Variants in UTY observed in about 807,000 individuals in gnomAD.
UTY encodes histone demethylase UTY.
In UTY, 12 loss-of-function variants were observed where a neutral mutation model predicts 32.5. The observed-to-expected ratio is 0.37, with a 90% CI of 0.24 to 0.60. The LOEUF (loss-of-function observed/expected upper bound fraction) is 0.60. UTY is among the 20% of genes least tolerant of loss of function. The pLI is 0.69. For missense variants in UTY, 303 were observed against 299.2 expected, an observed-to-expected ratio of 1.01 and a Z score of -0.09; for synonymous variants, 131 against 103.4, an observed-to-expected ratio of 1.27 and a Z score of -1.62.
intron 18 of UTY, among the ~76,000 whole-genome samples, chrY:13,329,889 G>C (rs746902035): frequency 3.0e-5 from 1 of 33,580 alleles, no homozygotes; most frequent in South Asian, 6.7e-4. Flanking sequence ...TGCATTTCCT[G>C]TCTCTCCTGA....
chrY:13,411,048 T>C lies in UTY; in HGVS notation c.500A>G (p.His167Arg). The C allele has an allele frequency of 2.5e-6, 1 of 398,274 alleles. No individual in the cohort carries two copies. Among genetic ancestry groups the C allele is most frequent in the Non-Finnish European group, 3.5e-6 (1 of 283,164 alleles). Residue 167 changes from histidine (H) to arginine (R), a missense_variant, in exon 6 of 30, where the codon CAT (histidine) becomes CGT (arginine). His to Arg is a conservative substitution (Grantham distance 29). Coordinates refer to ENST00000545955, the MANE Select transcript of UTY (RefSeq NM_001258249.2). Reference protein sequence around the residue: ...DPSFCRAKEIHLRLGLMFKVN... With the variant: ...DPSFCRAKEIRLRLGLMFKVN... The stretch of plus-strand genomic sequence containing the variant: ...TTTGAACATGAGCCCAAGTCGTAAA[T>C]GAATTTCCTTGGCTCGACAAAAGCT...
At chrY:13,238,114 C>T in intron 28 of UTY, among the ~76,000 whole-genome samples, 1 of 33,728 alleles carries the variant, frequency 3.0e-5, no homozygotes. Context: ...ATCCCTCTAA[C>T]CCCTGCTTTC....
chrY:13,426,944 C>T (rs1603459503), intron 4 of UTY, among the ~76,000 whole-genome samples: 1 of 32,973 alleles, frequency 3.0e-5, no homozygotes, highest in South Asian at 6.6e-4. Context: ...ACTGTAATTG[C>T]GGTAAATAAA....
At chrY:13,477,372 A>G (rs2079166314) in intron 2 of UTY, among the ~76,000 whole-genome samples, 1 of 33,245 alleles carries the variant, frequency 3.0e-5, no homozygotes, top group Non-Finnish European at 7.4e-5. Flanking sequence ...TCTCCAAAGA[A>G]TGATGCAGCA....
chrY:13,263,916 C>T, intron 27 of UTY, among the ~76,000 whole-genome samples: 2 of 33,612 alleles, frequency 6.0e-5, no homozygotes, highest in Non-Finnish European at 1.5e-4. Flanking sequence ...TATCCTAATG[C>T]TATTCCTCCC....
In UTY at chrY:13,369,280, T is replaced by C; in HGVS notation, c.715A>G (p.Lys239Glu). ...LQTENLPAQVKATVLQQLGWM... is the reference protein window; with the variant it reads ...LQTENLPAQVEATVLQQLGWM... ...CCTAACTGTTGCAATACAGTTGCTT[T>C]TACTTGTGCAGGAAGGTTTTCTGTC... Residue 239 changes from lysine to glutamate, a missense_variant, in exon 9 of 30, where the codon AAA (lysine) becomes GAA (glutamate). Coordinates refer to ENST00000545955, the MANE Select transcript of UTY (RefSeq NM_001258249.2). The C allele has an allele frequency of 1.4e-5, 5 of 367,017 alleles. No individual in the cohort carries two copies. The highest frequency in any genetic ancestry group is 1.9e-5 in the Non-Finnish European group (5 of 266,233). The allele number at this position is 367,017 out of a possible 400,897, so 91.5% of individuals were successfully genotyped here. A position where few individuals can be genotyped will look rare whatever the true frequency, so the allele number is the denominator to read the frequency against.
chrY:13,317,438 AAAAG>A (rs2059559162), intron 21 of UTY, among the ~76,000 whole-genome samples: 5 of 34,145 alleles, frequency 1.5e-4, no homozygotes, highest in Non-Finnish European at 2.9e-4. Context: ...CTTACTTTAG[AAAAG>A]AGATGTTACT....
chrY:13,373,422 GAAAC>G (rs2065121468), intron 8 of UTY, among the ~76,000 whole-genome samples: 6 of 33,363 alleles, frequency 1.8e-4, no homozygotes, highest in Admixed American at 1.6e-3. Context: ...AAAAGTTATG[GAAAC>G]AAACAGTGGC....
intron 21 of UTY, among the ~76,000 whole-genome samples, chrY:13,312,209 A>G (rs2148845492): frequency 3.2e-5 from 1 of 31,744 alleles, no homozygotes; most frequent in African/African-American, 1.2e-4. Context: ...TAGCTAACAC[A>G]GTGAAACCCC....
chrY:13,324,693 C>A lies in UTY; in HGVS notation c.2978G>T (p.Arg993Leu). ...ATGTAATGGAGGAAAGAAAGCATCA[C>A]GTTTATTTTCCAACTGTAAAAGCAA... ...PTPSIYLENK[R>L]DAFFPPLHQF... Residue 993 changes from arginine (R) to leucine (L), a missense_variant, in exon 20 of 30, where the codon CGT (arginine) becomes CTT (leucine). Arg to Leu is a moderately radical substitution (Grantham distance 102, BLOSUM62 -2). Coordinates refer to ENST00000545955, the MANE Select transcript of UTY (RefSeq NM_001258249.2). 1 of 395,400 alleles carries A rather than the reference C, an allele frequency of 2.5e-6. No homozygotes were observed. Among genetic ancestry groups the A allele is most frequent in the East Asian group, 9.3e-5 (1 of 10,772 alleles).
At chrY:13,460,344 A>C in intron 3 of UTY, among the ~76,000 whole-genome samples, 1 of 33,642 alleles carries the variant, frequency 3.0e-5, no homozygotes. Flanking sequence ...AAGGAGAAAA[A>C]GAAGTGGAAA....
chrY:13,345,830 T>G (rs1603426664), intron 17 of UTY, among the ~76,000 whole-genome samples: 2 of 33,365 alleles, frequency 6.0e-5, no homozygotes, highest in East Asian at 1.6e-3. Context: ...CTATGACTTT[T>G]GGTTTGAAGT....
At chrY:13,468,054 C>T in intron 3 of UTY, among the ~76,000 whole-genome samples, 2 of 32,668 alleles carry the variant, frequency 6.1e-5, no homozygotes, top group Admixed American at 2.8e-4. Context: ...GGGTGGATCA[C>T]TTGAGGTCAG....
At chrY:13,380,883 GA>G (rs2066071175) in intron 8 of UTY, among the ~76,000 whole-genome samples, 1 of 32,354 alleles carries the variant, frequency 3.1e-5, no homozygotes, top group African/African-American at 1.2e-4. Flanking sequence ...GACCTACTCA[GA>G]AAAATAAAAA....
chrY:13,408,032 G>A (rs1006968445), intron 6 of UTY, among the ~76,000 whole-genome samples: 7 of 32,508 alleles, frequency 2.2e-4, no homozygotes, highest in Non-Finnish European at 4.6e-4. Context: ...GAATGAGACT[G>A]TGAATAATAT....
chrY:13,268,418 A>G (rs1010533440), intron 27 of UTY, among the ~76,000 whole-genome samples: 9 of 33,238 alleles, frequency 2.7e-4, no homozygotes, highest in Admixed American at 8.1e-4. Context: ...TCTTGTTAGC[A>G]ATTCGTCTAA....
At chrY:13,288,228 A>G in intron 27 of UTY, among the ~76,000 whole-genome samples, 1 of 29,960 alleles carries the variant, frequency 3.3e-5, no homozygotes, top group Non-Finnish European at 7.9e-5. Flanking sequence ...AACGAAAAGA[A>G]TTCACTCATT....
At chrY:13,363,002 C>T in intron 10 of UTY, among the ~76,000 whole-genome samples, 2 of 32,102 alleles carry the variant, frequency 6.2e-5, no homozygotes, top group African/African-American at 1.2e-4. Context: ...CCCCTGGGTT[C>T]AGGTGATTCT....
At chrY:13,451,794 G>T (rs554669833) in intron 3 of UTY, among the ~76,000 whole-genome samples, 117 of 33,640 alleles carry the variant, frequency 3.5e-3, no homozygotes, top group African/African-American at 0.012. Flanking sequence ...TCTGATGGCT[G>T]GTAGTGAGGC....
Sources: allele counts gnomAD v4.1 joint callset (sites outside exome capture counted in the v4.1 genomes callset), GRCh38; gene constraint gnomAD v4.1.1; transcripts MANE v1.5; gene names NCBI Gene and HGNC (gene_info 2026-07-23, HGNC 2026-07-21).